Variants in PRIM2 observed in about 807,000 individuals in gnomAD.
The protein encoded by PRIM2 is DNA primase subunit 2, also known as DNA primase large subunit.
A neutral mutation model predicts 67.3 loss-of-function variants in PRIM2; 39 were observed. The observed-to-expected ratio is 0.58, with a 90% CI of 0.45 to 0.76. The LOEUF is 0.76. Among genes scored for constraint, PRIM2 ranks in the 30% least tolerant of loss-of-function variants. The pLI, the probability that PRIM2 is intolerant of heterozygous loss-of-function variation, is 0.00. For synonymous variants in PRIM2, 143 were observed against 198.7 expected, an observed-to-expected ratio of 0.72 and a Z score of 2.36; for missense variants, 398 against 598.7, an observed-to-expected ratio of 0.66 and a Z score of 3.50.
At chr6:57,284,543 C>T in the PRIM2 span, among the ~76,000 whole-genome samples, 1 of 152,064 alleles carries the variant, frequency 6.6e-6, no homozygotes, top group Non-Finnish European at 1.5e-5. Context: ...AAAAATGTCT[C>T]TCTCCATCAT....
intron 8 of PRIM2, among the ~76,000 whole-genome samples, chr6:57,529,258 G>A (rs1186580889): frequency 9.1e-4 from 138 of 151,880 alleles, no homozygotes; most frequent in African/African-American, 3.2e-3. Context: ...TGCAGTGAGC[G>A]GAGATCGCCC....
chr6:57,460,725 A>G (rs2127396771), intron 7 of PRIM2, among the ~76,000 whole-genome samples: 1 of 151,772 alleles, frequency 6.6e-6, no homozygotes, highest in Non-Finnish European at 1.5e-5. Flanking sequence ...CATTAATTTT[A>G]TAAGACTACT....
At chr6:57,489,720 G>T (rs1168931148) in intron 7 of PRIM2, among the ~76,000 whole-genome samples, 2 of 152,294 alleles carry the variant, frequency 1.3e-5, no homozygotes, top group Non-Finnish European at 2.9e-5. Context: ...AGTTAATATA[G>T]GCTGTTGGCT....
At position 57,623,687 on chromosome 6, in the gene PRIM2, G is replaced by A. The variant is rs1488374161; in HGVS notation, c.1231-8446G>A. On this transcript the variant is annotated intron_variant, in intron 12 of 13. Coordinates refer to ENST00000615550, the MANE Select transcript of PRIM2 (RefSeq NM_000947.5). ...TATAGAGTACACTCCCAGAGGCACC[G>A]GCTTCTTTTGAAGAAGTAAGCTTAA... Among the ~76,000 whole-genome samples, 598 of 152,040 alleles carry A rather than the reference G, an allele frequency of 3.9e-3. 22 individuals are homozygous for A. In the South Asian group the frequency reaches 0.077, roughly 20 times the overall value.
At chr6:57,452,470 G>A (rs1372187980) in intron 7 of PRIM2, among the ~76,000 whole-genome samples, 4 of 152,110 alleles carry the variant, frequency 2.6e-5, no homozygotes, top group East Asian at 1.9e-4. Context: ...TTTAATGATC[G>A]CCATTCTAAC....
chr6:57,512,244 T>G, intron 8 of PRIM2, among the ~76,000 whole-genome samples: 1 of 152,348 alleles, frequency 6.6e-6, no homozygotes, highest in Middle Eastern at 3.4e-3. Context: ...AGCTTAATTC[T>G]GAGGACATGT....
chr6:57,601,755 T>C (rs1776471532), intron 11 of PRIM2, among the ~76,000 whole-genome samples: 1 of 152,214 alleles, frequency 6.6e-6, no homozygotes, highest in Non-Finnish European at 1.5e-5. Context: ...AAACAAAACA[T>C]CTCATTTGTC....
chr6:57,497,940 A>T (rs1295400339), intron 7 of PRIM2, among the ~76,000 whole-genome samples: 1 of 152,328 alleles, frequency 6.6e-6, no homozygotes, highest in African/African-American at 2.4e-5. Flanking sequence ...GGAATCTCAC[A>T]GTTTGGGGTT....
chr6:57,455,792 A>C (rs1472265262), intron 7 of PRIM2, among the ~76,000 whole-genome samples: 1 of 152,108 alleles, frequency 6.6e-6, no homozygotes, highest in African/African-American at 2.4e-5. Flanking sequence ...TTACATTTAA[A>C]GTTAATATTG....
the PRIM2 span, among the ~76,000 whole-genome samples, chr6:57,290,616 C>T: frequency 9.1e-3 from 1,389 of 152,240 alleles, 22 homozygotes; most frequent in African/African-American, 0.032. Context: ...TAAAGCACTC[C>T]TCAGCAAATG....
At chr6:57,619,142 A>C (rs1776806725) in intron 12 of PRIM2, among the ~76,000 whole-genome samples, 1 of 152,182 alleles carries the variant, frequency 6.6e-6, no homozygotes, top group African/African-American at 2.4e-5. Flanking sequence ...AGGTAGACTC[A>C]CTGGATGGTT....
intron 7 of PRIM2, among the ~76,000 whole-genome samples, chr6:57,418,466 G>A (rs1417821693): frequency 7.8e-6 from 1 of 127,536 alleles, no homozygotes; most frequent in South Asian, 2.6e-4. Context: ...GCATAATCTC[G>A]GCTCACTACA....
At chr6:57,629,558 A>G (rs1270016125) in intron 12 of PRIM2, among the ~76,000 whole-genome samples, 10 of 152,076 alleles carry the variant, frequency 6.6e-5, no homozygotes, top group African/African-American at 2.4e-4. Context: ...GAAATATTTT[A>G]TAGCCATTAA....
intron 7 of PRIM2, among the ~76,000 whole-genome samples, chr6:57,491,403 C>T (rs1328877240): frequency 2.0e-5 from 3 of 152,166 alleles, no homozygotes; most frequent in Non-Finnish European, 2.9e-5. Context: ...ATATAACCTT[C>T]CTGATTGAAA....
chr6:57,459,250 T>A (rs1581928072), intron 7 of PRIM2, among the ~76,000 whole-genome samples: 1 of 152,178 alleles, frequency 6.6e-6, no homozygotes, highest in Admixed American at 6.5e-5. Flanking sequence ...AGGGTAGCAC[T>A]CAACACATGA....
intron 5 of PRIM2, among the ~76,000 whole-genome samples, chr6:57,341,158 T>C (rs1431625818): frequency 1.3e-5 from 2 of 152,164 alleles, no homozygotes; most frequent in African/African-American, 4.8e-5. Context: ...ATACAGCTTC[T>C]AAAGGGAGCA....
At chr6:57,233,686 G>A in the PRIM2 span, among the ~76,000 whole-genome samples, 2 of 147,476 alleles carry the variant, frequency 1.4e-5, no homozygotes, top group African/African-American at 5.1e-5. Context: ...GGCTCACTCC[G>A]TTGCCCAAGC....
the PRIM2 span, among the ~76,000 whole-genome samples, chr6:57,224,477 T>C: frequency 1.3e-5 from 2 of 152,142 alleles, no homozygotes; most frequent in South Asian, 4.2e-4. Context: ...ATGTCTACAG[T>C]TCTAGCTTTG....
chr6:57,451,910 C>A (rs1772566318), intron 7 of PRIM2, among the ~76,000 whole-genome samples: 2 of 151,184 alleles, frequency 1.3e-5, no homozygotes, highest in Admixed American at 6.6e-5. Flanking sequence ...TTAGGTATAT[C>A]TCCAAATGCT....
Sources: gnomAD v4.1 joint callset for allele counts (sites outside exome capture counted in the v4.1 genomes callset) on GRCh38, gnomAD v4.1.1 for gene constraint, MANE v1.5 for transcripts, NCBI Gene and HGNC (gene_info 2026-07-23, HGNC 2026-07-21) for gene names.